CPT1C: variants seen among roughly 807,000 people sequenced by gnomAD.
CPT1C encodes the protein palmitoyl thioesterase CPT1C.
A neutral mutation model predicts 97.3 loss-of-function variants in CPT1C; 61 were observed. The ratio of observed to expected loss-of-function variants is 0.63; its 90% CI spans 0.51 to 0.78. The LOEUF (loss-of-function observed/expected upper bound fraction) is 0.78. CPT1C is among the 30% of genes least tolerant of loss of function. The probability of loss-of-function intolerance (pLI) is 0.00; values close to 1 mark genes in which losing one functional copy is unlikely to be tolerated. For missense variants in CPT1C, 975 were observed against 1,065.5 expected, an observed-to-expected ratio of 0.92 and a Z score of 1.18; for synonymous variants, 469 against 447.2, an observed-to-expected ratio of 1.05 and a Z score of -0.61.
chr19:49,707,145 C>T (rs2083545992), intron 12 of CPT1C, among the ~76,000 whole-genome samples: 1 of 152,116 alleles, frequency 6.6e-6, no homozygotes, highest in Admixed American at 6.5e-5. Flanking sequence ...CATGGTGGTG[C>T]ATGCTTGTGA....
intron 4 of CPT1C, 107 bp downstream of exon 4, chr19:49,697,572 C>T: frequency 7.6e-7 from 1 of 1,322,948 alleles, no homozygotes; most frequent in South Asian, 1.4e-5. Flanking sequence ...ACCTCTGAGA[C>T]TTACATTGGG....
intron 12 of CPT1C, 22 bp from the exon 13 acceptor site, chr19:49,707,496 C>T: frequency 3.2e-6 from 5 of 1,581,696 alleles, no homozygotes; most frequent in East Asian, 2.2e-5. Context: ...TCTTGGTGAC[C>T]CATCTGAACT....
At chr19:49,712,707 C>A in intron 17 of CPT1C, 29 bp from the exon 18 acceptor site, 1 of 1,535,396 alleles carries the variant, frequency 6.5e-7, no homozygotes, top group Non-Finnish European at 9.0e-7. Context: ...GATCTCTGTC[C>A]TGCACATGTG....
At chr19:49,693,426 TC>T (rs2082464519) in intron 3 of CPT1C, among the ~76,000 whole-genome samples, 1 of 152,166 alleles carries the variant, frequency 6.6e-6, no homozygotes, top group Non-Finnish European at 1.5e-5. Flanking sequence ...AGTCGCAGTT[TC>T]CCCTCGTGGA....
chr19:49,712,915 T>C, intron 18 of CPT1C, 57 bp from the exon 19 acceptor site: 1 of 1,584,478 alleles, frequency 6.3e-7, no homozygotes. Flanking sequence ...CACTCCTGCA[T>C]AGTGGGGGTG....
intron 3 of CPT1C, among the ~76,000 whole-genome samples, chr19:49,692,989 A>G (rs1246318180): frequency 6.6e-6 from 1 of 152,150 alleles, no homozygotes; most frequent in East Asian, 1.9e-4. Context: ...CCCAGGTTCA[A>G]GCGATTCTCC....
At chr19:49,703,282 T>C (rs1272258285) in intron 7 of CPT1C, among the ~76,000 whole-genome samples, 2 of 151,268 alleles carry the variant, frequency 1.3e-5, no homozygotes, top group African/African-American at 2.4e-5. Flanking sequence ...CCGTCTCAGC[T>C]CACTGCAAGC....
chr19:49,691,913 G>A (rs1203551959), intron 2 of CPT1C, 24 bp downstream of exon 2: 3 of 299,456 alleles, frequency 1.0e-5, no homozygotes, highest in Non-Finnish European at 1.9e-5. Context: ...GATGAGCTAG[G>A]TTATGTAGTC....
At chr19:49,694,964 C>T (rs928062306) in intron 3 of CPT1C, among the ~76,000 whole-genome samples, 2 of 152,024 alleles carry the variant, frequency 1.3e-5, no homozygotes, top group African/African-American at 2.4e-5. Flanking sequence ...CACAGTGAAA[C>T]TCCGTCTCTA....
chr19:49,711,848 A>G lies in CPT1C; in HGVS notation c.1906A>G (p.Lys636Glu), dbSNP rs757178936. The G allele has an allele frequency of 6.2e-7, 1 of 1,613,906 alleles. No individual in the cohort carries two copies. ...CLALFRVAVDKHQALLKAAMS... is the reference protein window; with the variant it reads ...CLALFRVAVDEHQALLKAAMS... ...CGCCCTGTTCCGCGTGGCAGTGGAC[A>G]AGCACCAGGCTCTGCTGAAGGCAGC... Residue 636 changes from lysine (K) to glutamate (E), a missense_variant, in exon 17 of 20, where the codon AAG (lysine) becomes GAG (glutamate). Coordinates refer to ENST00000598293, the MANE Select transcript of CPT1C (RefSeq NM_001199753.2).
Position 49,704,766 on chromosome 19 carries a change from G to A in CPT1C, c.750G>A (p.Val250=), listed in dbSNP as rs755374253. 1.9e-6 allele frequency: 3 copies of A among 1,614,006 alleles called. No individual in the cohort carries two copies. Among genetic ancestry groups the A allele is most frequent in the Non-Finnish European group, 2.5e-6 (3 of 1,179,958 alleles). Residue 250 remains valine, a synonymous_variant, in exon 8 of 20, where the codon GTG becomes GTA. Coordinates refer to ENST00000598293, the MANE Select transcript of CPT1C (RefSeq NM_001199753.2). ...TGCGCTCCCGAAATCCGCTGATGGT[G>A]AACAGCAACTATTACATGATGGTGA... The part of the protein sequence containing the change: ...VYLRSRNPLM[V]NSNYYMMDFL...
chr19:49,710,809 G>A lies in CPT1C; in HGVS notation c.1818G>A (p.Thr606=), dbSNP rs371409075. ...EGRTETVRSC[T]REACNFVRAM... ...GGACGGAGACGGTGCGGTCTTGCAC[G>A]AGGGAGGCCTGCAACTTTGTCAGGG... Residue 606 remains threonine (T), a synonymous_variant, in exon 16 of 20, where the codon ACG becomes ACA. Transcript: ENST00000598293. 22 of 1,613,950 alleles carry A rather than the reference G, an allele frequency of 1.4e-5. No homozygotes were observed. The highest frequency in any genetic ancestry group is 1.2e-5 in the Non-Finnish European group (14 of 1,179,892).
intron 14 of CPT1C, 26 bp downstream of exon 14, chr19:49,708,865 C>G: frequency 7.0e-7 from 1 of 1,424,516 alleles, no homozygotes; most frequent in Non-Finnish European, 9.9e-7. Context: ...TGGGCCTCTC[C>G]TCCAAGTCCC....
At chr19:49,699,100 C>G (rs2082843167) in intron 4 of CPT1C, among the ~76,000 whole-genome samples, 1 of 151,598 alleles carries the variant, frequency 6.6e-6, no homozygotes, top group African/African-American at 2.4e-5. Context: ...GAGACTCCGT[C>G]TCAATTAAAA....
rs2084072844 is a variant in CPT1C, at chr19:49,713,729, G to A, written c.*124G>A. ...CCAGGCCAATAAAGATGTGTGAGCT[G>A]GGTGTGTGGTGTCTGCTATGCTCTT... On this transcript the variant is annotated 3_prime_UTR_variant, in exon 20 of 20. Transcript: ENST00000598293. The A allele has an allele frequency of 1.1e-6, 1 of 890,798 alleles. No individual in the cohort carries two copies. The highest frequency in any genetic ancestry group is 1.7e-5 in the South Asian group (1 of 60,140). The allele number at this position is 890,798 out of a possible 1,614,324, so 55.2% of individuals were successfully genotyped here.
intron 4 of CPT1C, among the ~76,000 whole-genome samples, chr19:49,698,824 G>A (rs59662975): frequency 0.12 from 18,478 of 151,422 alleles, 1,258 homozygotes; most frequent in Middle Eastern, 0.24. Context: ...GCCTGTCGGC[G>A]GGATGTGGTG....
At chr19:49,712,547 T>TGGGTGTGGGTGGTGAGAC in intron 17 of CPT1C, 189 bp from the exon 18 acceptor site, 1 of 527,538 alleles carries the variant, frequency 1.9e-6, no homozygotes. Flanking sequence ...GAGAGGGACG[T>TGGGTGTGGGTGGTGAGAC]GGGTGTGGGT....
chr19:49,703,174 T>TTC (rs1356370638), intron 7 of CPT1C, among the ~76,000 whole-genome samples: 1 of 131,898 alleles, frequency 7.6e-6, no homozygotes, highest in African/African-American at 2.8e-5. Context: ...CCTGCCTGCC[T>TTC]TCTCTCTCTC....
chr19:49,705,823 G>A (rs1353413807), intron 10 of CPT1C, 86 bp from the exon 11 acceptor site: 7 of 1,241,376 alleles, frequency 5.6e-6, no homozygotes, highest in East Asian at 4.7e-5. Flanking sequence ...AACAACTGAC[G>A]ACACCTAAGA....
Sources: allele counts gnomAD v4.1 joint callset (sites outside exome capture counted in the v4.1 genomes callset), GRCh38; gene constraint gnomAD v4.1.1; transcripts MANE v1.5; gene names NCBI Gene and HGNC (gene_info 2026-07-23, HGNC 2026-07-21).